The following ERC2 variants were observed in gnomAD, a reference collection of about 807,000 sequenced individuals.
The protein encoded by ERC2 is ERC protein 2.
A neutral mutation model predicts 114.8 loss-of-function variants in ERC2; 42 were observed. The observed-to-expected ratio is 0.37, with a 90% CI of 0.29 to 0.47. The LOEUF (loss-of-function observed/expected upper bound fraction) is 0.47, where lower values mean the gene tolerates loss of function less well. ERC2 is among the 20% of genes least tolerant of loss of function. The pLI, the probability that ERC2 is intolerant of heterozygous loss-of-function variation, is 0.99. For synonymous variants in ERC2, 454 were observed against 425.5 expected, an observed-to-expected ratio of 1.07 and a Z score of -0.82; for missense variants, 939 against 1,150.7, an observed-to-expected ratio of 0.82 and a Z score of 2.66.
At chr3:56,419,418 T>C (rs1008662438) in intron 2 of ERC2, among the ~76,000 whole-genome samples, 1 of 152,240 alleles carries the variant, frequency 6.6e-6, no homozygotes, top group Non-Finnish European at 1.5e-5. Context: ...TGACACCTAA[T>C]GCTATGCAAA....
intron 14 of ERC2, among the ~76,000 whole-genome samples, chr3:55,877,420 G>C (rs192869099): frequency 6.6e-6 from 1 of 152,118 alleles, no homozygotes; most frequent in Admixed American, 6.5e-5. Flanking sequence ...AACTGGCAGA[G>C]TCAGGCTATG....
intron 13 of ERC2, among the ~76,000 whole-genome samples, chr3:55,937,258 C>T (rs200763814): frequency 8.5e-5 from 13 of 152,222 alleles, no homozygotes; most frequent in African/African-American, 3.1e-4. Context: ...CTGAGACAGG[C>T]GAATCACTTG....
intron 13 of ERC2, among the ~76,000 whole-genome samples, chr3:55,932,233 A>T (rs950363315): frequency 6.6e-6 from 1 of 152,218 alleles, no homozygotes; most frequent in African/African-American, 2.4e-5. Context: ...CTGAGTAGTC[A>T]CTAAAAATAT....
rs755915175 is a variant in ERC2 at position 56,018,942 on chromosome 3, A to G, written c.1731T>C (p.Ser577=). The part of the protein sequence containing the change: ...DRVKSLQTDS[S]NTDTALATLE... ...GCGTCGCCAGTGCAGTATCTGTATT[A>G]CTGGAATCCGTCTGCAAGGACTTCA... is the stretch of plus-strand genomic sequence containing the variant. Residue 577 remains serine (S), a synonymous_variant, in exon 8 of 18, where the codon AGT becomes AGC. Coordinates refer to ENST00000288221, the MANE Select transcript of ERC2 (RefSeq NM_015576.3). The G allele has an allele frequency of 4.3e-6, 7 of 1,613,214 alleles. No homozygotes were observed. In the East Asian group the frequency reaches 1.3e-4, roughly 31 times the overall value.
At chr3:56,243,878 TC>T (rs2150211369) in intron 3 of ERC2, among the ~76,000 whole-genome samples, 1 of 152,168 alleles carries the variant, frequency 6.6e-6, no homozygotes, top group African/African-American at 2.4e-5. Flanking sequence ...AAAAACTACT[TC>T]CCAGGTGAGT....
chr3:56,149,163 A>G (rs778896726), intron 4 of ERC2, 31 bp from the exon 5 acceptor site: 2 of 1,521,702 alleles, frequency 1.3e-6, no homozygotes, highest in South Asian at 2.5e-5. Flanking sequence ...AAAAAGAAAA[A>G]TAAAGAATAA....
intron 12 of ERC2, among the ~76,000 whole-genome samples, chr3:55,964,351 C>A (rs2068599011): frequency 6.6e-6 from 1 of 152,062 alleles, no homozygotes; most frequent in South Asian, 2.1e-4. Flanking sequence ...ATCTATTATG[C>A]TATATAAAAA....
At chr3:55,750,757 C>A (rs1049226854) in intron 14 of ERC2, among the ~76,000 whole-genome samples, 1 of 152,218 alleles carries the variant, frequency 6.6e-6, no homozygotes, top group African/African-American at 2.4e-5. Flanking sequence ...GAAATGTGGT[C>A]AAATAAAGAA....
At chr3:56,197,858 T>C (rs895129678) in intron 3 of ERC2, among the ~76,000 whole-genome samples, 1 of 152,204 alleles carries the variant, frequency 6.6e-6, no homozygotes, top group African/African-American at 2.4e-5. Flanking sequence ...ATTCTTAGTG[T>C]TTGGGTTCAC....
At chr3:55,898,696 G>C (rs898746483) in intron 13 of ERC2, among the ~76,000 whole-genome samples, 2 of 152,046 alleles carry the variant, frequency 1.3e-5, no homozygotes, top group Non-Finnish European at 2.9e-5. Context: ...GGATGCATAA[G>C]CAAGACAAAG....
intron 14 of ERC2, among the ~76,000 whole-genome samples, chr3:55,781,361 G>T (rs187598812): frequency 6.6e-6 from 1 of 152,270 alleles, no homozygotes; most frequent in African/African-American, 2.4e-5. Flanking sequence ...CTGCCCACCA[G>T]CCCTGCTCTC....
At chr3:55,900,285 G>A (rs1386123466) in intron 13 of ERC2, among the ~76,000 whole-genome samples, 1 of 152,122 alleles carries the variant, frequency 6.6e-6, no homozygotes, top group Non-Finnish European at 1.5e-5. Flanking sequence ...TTTGTTTGGT[G>A]CTTTGTTTAG....
chr3:55,973,859 C>T (rs1418467824), intron 12 of ERC2, among the ~76,000 whole-genome samples: 1 of 152,082 alleles, frequency 6.6e-6, no homozygotes, highest in East Asian at 1.9e-4. Flanking sequence ...TTAAACTTTA[C>T]AAAACTTAGT....
At chr3:55,562,802 C>G (rs1378560443) in intron 17 of ERC2, among the ~76,000 whole-genome samples, 2 of 151,846 alleles carry the variant, frequency 1.3e-5, no homozygotes, top group Non-Finnish European at 2.9e-5. Flanking sequence ...ATGCTAATAC[C>G]TGTGTTTAAA....
intron 3 of ERC2, among the ~76,000 whole-genome samples, chr3:56,226,174 C>G (rs1250656802): frequency 3.9e-5 from 6 of 152,104 alleles, no homozygotes; most frequent in African/African-American, 1.4e-4. Context: ...CTATATTTCA[C>G]TTATAATTGT....
At chr3:56,295,902 A>G in intron 3 of ERC2, 117 bp downstream of exon 3, 2 of 1,145,984 alleles carry the variant, frequency 1.7e-6, no homozygotes, top group Non-Finnish European at 2.4e-6. Flanking sequence ...GTCATAAAGC[A>G]GATGACAAAG....
chr3:55,962,911 C>G (rs1442305250), intron 12 of ERC2, among the ~76,000 whole-genome samples: 1 of 152,226 alleles, frequency 6.6e-6, no homozygotes, highest in Admixed American at 6.5e-5. Context: ...TGGGAAATCT[C>G]AGGATACTAT....
chr3:56,377,630 C>G (rs938443235), intron 2 of ERC2, among the ~76,000 whole-genome samples: 1 of 152,026 alleles, frequency 6.6e-6, no homozygotes, highest in Non-Finnish European at 1.5e-5. Flanking sequence ...TTAGGCCCCC[C>G]AAAAAAGATA....
chr3:56,007,417 G>A (rs2149562790), intron 9 of ERC2, 96 bp from the exon 10 acceptor site: 2 of 1,111,968 alleles, frequency 1.8e-6, no homozygotes, highest in South Asian at 3.0e-5. Flanking sequence ...GCAATAAAGT[G>A]TGCAGTAGAC....
Sources: gnomAD v4.1 joint callset for allele counts (sites outside exome capture counted in the v4.1 genomes callset) on GRCh38, gnomAD v4.1.1 for gene constraint, MANE v1.5 for transcripts, NCBI Gene and HGNC (gene_info 2026-07-23, HGNC 2026-07-21) for gene names.